WDR12: variants seen among roughly 807,000 people sequenced by gnomAD.
WDR12 encodes the protein ribosome biogenesis protein WDR12.
A neutral mutation model predicts 64.3 loss-of-function variants in WDR12; 42 were observed. The ratio of observed to expected loss-of-function variants is 0.65; its 90% CI spans 0.51 to 0.84. The LOEUF (loss-of-function observed/expected upper bound fraction) is 0.84, where lower values mean the gene tolerates loss of function less well. Among genes scored for constraint, WDR12 ranks in the 40% least tolerant of loss-of-function variants. WDR12 has a pLI of 0.00. For missense variants in WDR12, 469 were observed against 494.6 expected, an observed-to-expected ratio of 0.95 and a Z score of 0.49; for synonymous variants, 158 against 173.3, an observed-to-expected ratio of 0.91 and a Z score of 0.70.
chr2:202,884,425 A>G lies in WDR12; in HGVS notation c.852T>C (p.Asp284=), dbSNP rs887377499. The change falls in exon 9 of 13, where the codon GAT becomes GAC. Residue 284 remains aspartate (D), a synonymous_variant. Transcript: ENST00000261015. ...TTGACTTAAGACTGCCAGACTCAAC[A>G]TCCCACACTCTAATTGTATGGTCCC... ...ASWDHTIRVW[D]VESGSLKSTL... 8.1e-6 allele frequency: 13 copies of G among 1,614,120 alleles called. No homozygotes were observed. Among genetic ancestry groups the G allele is most frequent in the Non-Finnish European group, 9.3e-6 (11 of 1,180,050 alleles).
Position 202,875,081 on chromosome 2 carries a change from A to C in WDR12, c.*5779T>G, listed in dbSNP as rs1265782184. ...TCTTTATTACTCAGATGTATGTCGC[A>C]CAGCTCCATTAATTGGTTACATACC... On this transcript the variant is annotated 3_prime_UTR_variant, in exon 13 of 13. Transcript: ENST00000261015. 1 of 152,212 alleles carries C rather than the reference A, an allele frequency of 6.6e-6. No homozygotes were observed. The highest frequency in any genetic ancestry group is 1.5e-5 in the Non-Finnish European group (1 of 68,044). The allele number at this position is 152,212 out of a possible 1,614,324, so 9.4% of individuals were successfully genotyped here. A position where few individuals can be genotyped will look rare whatever the true frequency, so the allele number is the denominator to read the frequency against.
rs148513392 is a variant in WDR12, at chr2:202,879,887, G to A, written c.*973C>T. ...CTCCCAAGTAGTTGGGATTACAGGC[G>A]GTCGCCACCATGCCCAGCTAATTTT... is the stretch of plus-strand genomic sequence containing the variant. On this transcript the variant is annotated 3_prime_UTR_variant, in exon 13 of 13. Coordinates refer to ENST00000261015, the MANE Select transcript of WDR12 (RefSeq NM_018256.4). 0.083 allele frequency: 12,643 copies of A among 151,980 alleles called. 688 individuals carry two copies. Among genetic ancestry groups the A allele is most frequent in the Non-Finnish European group, 0.12 (8,206 of 68,050 alleles). The allele number at this position is 151,980 out of a possible 1,614,324, so 9.4% of individuals were successfully genotyped here.
chr2:202,882,619 C>T (rs1687975160), intron 12 of WDR12, 92 bp downstream of exon 12: 3 of 1,347,412 alleles, frequency 2.2e-6, no homozygotes, highest in Non-Finnish European at 3.2e-6. Flanking sequence ...TGAGCCACTG[C>T]ACCCGGCCCG....
chr2:202,894,583 G>A lies in WDR12; in HGVS notation c.653C>T (p.Thr218Ile). ...GGTAAAATAAATATTTAATTTACCTGTAGACCAGATCTTTAGCATCTTATC... is the reference window on the plus strand; with the variant it reads ...GGTAAAATAAATATTTAATTTACCTATAGACCAGATCTTTAGCATCTTATC... ...SWDKMLKIWS[T>I]VPTDEEDEME... The change falls in exon 7 of 13, where the codon ACA (threonine) becomes ATA (isoleucine). Residue 218 changes from threonine to isoleucine, a missense_variant and splice_region_variant. Physicochemically the swap from Thr to Ile is moderately conservative, Grantham distance 89. Transcript: ENST00000261015. 1 of 1,603,388 alleles carries A rather than the reference G, an allele frequency of 6.2e-7. No individual in the cohort carries two copies. Among genetic ancestry groups the A allele is most frequent in the Non-Finnish European group, 8.5e-7 (1 of 1,175,810 alleles).
Position 202,877,739 on chromosome 2 carries a change from A to T in WDR12, c.*3121T>A, listed in dbSNP as rs1446937081. Reference sequence around the variant, plus strand: ...TTTAAAGAACTGCACTACTATGGCAAGACAGCATAACTAGTACCGGTCAGC... The same window carrying T: ...TTTAAAGAACTGCACTACTATGGCATGACAGCATAACTAGTACCGGTCAGC... On this transcript the variant is annotated 3_prime_UTR_variant, in exon 13 of 13. Transcript: ENST00000261015. 1 of 152,232 alleles carries T rather than the reference A, an allele frequency of 6.6e-6. No homozygotes were observed. The highest frequency in any genetic ancestry group is 1.5e-5 in the Non-Finnish European group (1 of 68,058). The allele number at this position is 152,232 out of a possible 1,614,324, so 9.4% of individuals were successfully genotyped here.
chr2:202,897,082 T>C (rs979105048), intron 5 of WDR12, among the ~76,000 whole-genome samples: 1 of 152,204 alleles, frequency 6.6e-6, no homozygotes, highest in African/African-American at 2.4e-5. Context: ...TGAAAATGTA[T>C]ATTATCTGAT....
chr2:202,908,673 G>A (rs114091387), intron 1 of WDR12, among the ~76,000 whole-genome samples: 1,713 of 152,238 alleles, frequency 0.011, 24 homozygotes, highest in African/African-American at 0.039. Context: ...CTTCTTTTTT[G>A]TGGGTAATGA....
Position 202,900,840 on chromosome 2 carries a change from AC to A in WDR12, c.231+184del, listed in dbSNP as rs1688335473. The stretch of plus-strand genomic sequence containing the variant: ...AATATACATATATATATACACACAC[AC>A]TATATATATTCAATACACACATAAA... On this transcript the variant is annotated intron_variant, in intron 3 of 12. Transcript: ENST00000261015. Among the ~76,000 whole-genome samples the A allele has an allele frequency of 2.6e-5, 4 of 151,760 alleles. No homozygotes were observed. The South Asian group carries it at 6.2e-4, about 24-fold the overall frequency.
chr2:202,895,191 A>G (rs1248500123), intron 6 of WDR12, among the ~76,000 whole-genome samples: 1 of 152,232 alleles, frequency 6.6e-6, no homozygotes, highest in Non-Finnish European at 1.5e-5. Context: ...AACACTCTTA[A>G]GTCCAGAATA....
chr2:202,883,492 T>C, intron 11 of WDR12, 117 bp downstream of exon 11: 1 of 1,275,756 alleles, frequency 7.8e-7, no homozygotes, highest in Non-Finnish European at 1.0e-6. Context: ...CACATGAGGT[T>C]GCAAAACCAT....
chr2:202,896,013 A>C, intron 6 of WDR12, 52 bp downstream of exon 6: 1 of 1,578,576 alleles, frequency 6.3e-7, no homozygotes, highest in Non-Finnish European at 8.6e-7. Flanking sequence ...ATGTTTAGCA[A>C]CAAGCTCAAA....
intron 8 of WDR12, among the ~76,000 whole-genome samples, chr2:202,891,058 A>G (rs1448719974): frequency 1.3e-5 from 2 of 152,130 alleles, no homozygotes; most frequent in Non-Finnish European, 2.9e-5. Flanking sequence ...CATTTTTATA[A>G]CTCAGGAAAT....
At chr2:202,889,226 G>GA (rs774750371) in intron 8 of WDR12, among the ~76,000 whole-genome samples, 5 of 152,248 alleles carry the variant, frequency 3.3e-5, no homozygotes, top group Non-Finnish European at 7.4e-5. Context: ...GCAAGCTTAC[G>GA]AAAGTATGCA....
At position 202,897,363 on chromosome 2, in the gene WDR12, T is replaced by C. The variant is rs201451392; in HGVS notation, c.391A>G (p.Lys131Glu). The change falls in exon 5 of 13, where the codon AAG (lysine) becomes GAG (glutamate). Residue 131 changes from lysine to glutamate, a missense_variant. Physicochemically the swap from Lys to Glu is moderately conservative, Grantham distance 56 (BLOSUM62 1). Transcript: ENST00000261015. Reference sequence around the variant, plus strand: ...TGTCCCACAATTGTCATTATTGACTTTCCTTCCAAGGACCAGATCCGAGAA... The same window carrying C: ...TGTCCCACAATTGTCATTATTGACTCTCCTTCCAAGGACCAGATCCGAGAA... ...KTSRIWSLEG[K>E]SIMTIVGHTD... is the part of the protein sequence containing the mutation. The C allele has an allele frequency of 9.1e-5, 146 of 1,598,738 alleles. No homozygotes were observed. The highest frequency in any genetic ancestry group is 1.2e-4 in the Non-Finnish European group (139 of 1,173,678).
At chr2:202,883,836 T>A in intron 10 of WDR12, 95 bp from the exon 11 acceptor site, 2 of 1,285,428 alleles carry the variant, frequency 1.6e-6, no homozygotes, top group Non-Finnish European at 2.1e-6. Flanking sequence ...TTTTTTGAGA[T>A]GGAGTCTTGC....
intron 2 of WDR12, 116 bp from the exon 3 acceptor site, chr2:202,901,235 C>G: frequency 1.8e-6 from 1 of 556,806 alleles, no homozygotes; most frequent in South Asian, 5.7e-5. Flanking sequence ...GCCTGAGTTT[C>G]TCTGTGATTT....
chr2:202,887,820 G>A (rs1423359967), intron 8 of WDR12, among the ~76,000 whole-genome samples: 9 of 150,280 alleles, frequency 6.0e-5, no homozygotes, highest in Admixed American at 4.7e-4. Flanking sequence ...CCCGGGAAGC[G>A]GAGCTTGCAG....
intron 2 of WDR12, among the ~76,000 whole-genome samples, chr2:202,905,230 C>A (rs1559164417): frequency 8.5e-5 from 13 of 152,210 alleles, no homozygotes. Flanking sequence ...ACTACAACTT[C>A]CGCCTCCCGG....
At position 202,878,949 on chromosome 2, in the gene WDR12, G is replaced by A. The variant is rs1329680932; in HGVS notation, c.*1911C>T. 1.3e-5 allele frequency: 2 copies of A among 152,188 alleles called. No homozygotes were observed. Among genetic ancestry groups the A allele is most frequent in the Non-Finnish European group, 2.9e-5 (2 of 68,040 alleles). 9.4% of individuals were successfully genotyped at this position (152,188 alleles called of 1,614,324 possible). A position where few individuals can be genotyped will look rare whatever the true frequency, so the allele number is the denominator to read the frequency against. On this transcript the variant is annotated 3_prime_UTR_variant, in exon 13 of 13. Transcript: ENST00000261015. ...TAAAATCTGTAGAATGTTTAATACT[G>A]ATGAAAGGTTTTGTCTAAAAAATTT...
Sources: allele counts gnomAD v4.1 joint callset (sites outside exome capture counted in the v4.1 genomes callset), GRCh38; gene constraint gnomAD v4.1.1; transcripts MANE v1.5; gene names NCBI Gene and HGNC (gene_info 2026-07-23, HGNC 2026-07-21).